ATR: variants seen among roughly 807,000 people sequenced by gnomAD.
ATR encodes ATR checkpoint kinase.
A neutral mutation model predicts 305.3 loss-of-function variants in ATR; 142 were observed. That is an observed-to-expected ratio of 0.47 (90% CI 0.41 to 0.53). The LOEUF is 0.53. Ranked by LOEUF, ATR falls within the 20% of genes least tolerant of loss-of-function variation. ATR has a pLI of 0.00. For synonymous variants in ATR, 1,050 were observed against 1,068.1 expected (o/e 0.98, Z 0.33); for missense variants, 2,135 against 3,133.1 (o/e 0.68, Z 7.60).
intron 10 of ATR, among the ~76,000 whole-genome samples, chr3:142,554,338 C>T (rs2034585203): frequency 1.3e-5 from 2 of 152,046 alleles, no homozygotes; most frequent in Admixed American, 6.5e-5. Context: ...AGTGATCCTC[C>T]CACCTCAGCC....
intron 23 of ATR, among the ~76,000 whole-genome samples, chr3:142,520,775 G>T (rs753596646): frequency 6.6e-6 from 1 of 152,096 alleles, no homozygotes; most frequent in Non-Finnish European, 1.5e-5. Flanking sequence ...GAGGTTTAAG[G>T]AAAAGAAGCT....
rs1310530121 is a variant in ATR, at chr3:142,451,094, A to G, written c.7762-1492T>C. The G allele has an allele frequency of 7.1e-6, 9 of 1,276,146 alleles. No homozygotes were observed. In the African/African-American group the frequency reaches 1.2e-4, roughly 18 times the overall value. 79.1% of individuals were successfully genotyped at this position (1,276,146 alleles called of 1,614,324 possible). ...CCTGGCTGGTTTGTCTACCTGGTCA[A>G]TTGTGAAACAGCCCCTGCTGCTCAG... On this transcript the variant is annotated intron_variant, in intron 46 of 46. Transcript: ENST00000350721.
At chr3:142,542,574 T>G in intron 17 of ATR, 91 bp downstream of exon 17, 7 of 1,175,736 alleles carry the variant, frequency 6.0e-6, no homozygotes, top group Non-Finnish European at 8.7e-6. Flanking sequence ...ATTTGGTTAT[T>G]TCTCATCTTT....
At chr3:142,478,916 G>A (rs1274629645) in intron 36 of ATR, among the ~76,000 whole-genome samples, 2 of 152,020 alleles carry the variant, frequency 1.3e-5, no homozygotes, top group Non-Finnish European at 2.9e-5. Context: ...TTCAACCCCT[G>A]CCTTTTTTTG....
intron 21 of ATR, among the ~76,000 whole-genome samples, chr3:142,532,194 C>T (rs1377266404): frequency 1.3e-5 from 2 of 152,228 alleles, no homozygotes; most frequent in East Asian, 1.9e-4. Flanking sequence ...GCGTCACTCA[C>T]GCTGGGAGCT....
chr3:142,531,152 CTT>C (rs1484609559), intron 21 of ATR, among the ~76,000 whole-genome samples: 1 of 152,162 alleles, frequency 6.6e-6, no homozygotes, highest in African/African-American at 2.4e-5. Context: ...GCTTGACACT[CTT>C]TATGATATTT....
chr3:142,556,197 G>A (rs2108472301), intron 9 of ATR, 58 bp from the exon 10 acceptor site: 2 of 1,586,412 alleles, frequency 1.3e-6, no homozygotes, highest in Non-Finnish European at 1.7e-6. Context: ...GGTCTAAATA[G>A]TCTTGCTTAA....
intron 36 of ATR, among the ~76,000 whole-genome samples, chr3:142,475,265 C>T (rs1440330894): frequency 6.6e-6 from 1 of 151,898 alleles, no homozygotes; most frequent in Non-Finnish European, 1.5e-5. Context: ...CACCCCACAA[C>T]AGGCCCCAGT....
chr3:142,521,500 G>A (rs548866275), intron 23 of ATR, among the ~76,000 whole-genome samples: 42 of 152,240 alleles, frequency 2.8e-4, no homozygotes, highest in African/African-American at 9.9e-4. Flanking sequence ...GATGGATCTG[G>A]GCAGAGTAAA....
intron 5 of ATR, 82 bp from the exon 6 acceptor site, chr3:142,560,536 T>A: frequency 7.4e-7 from 1 of 1,349,480 alleles, no homozygotes; most frequent in Non-Finnish European, 1.0e-6. Context: ...GAATAAAACA[T>A]ACTATGTAAT....
chr3:142,483,997 T>TA (rs2030732017), intron 36 of ATR, among the ~76,000 whole-genome samples: 1 of 152,080 alleles, frequency 6.6e-6, no homozygotes, highest in African/African-American at 2.4e-5. Flanking sequence ...TGAATTTTTT[T>TA]AAAAATCCAG....
At chr3:142,484,518 T>A (rs1405645222) in intron 36 of ATR, among the ~76,000 whole-genome samples, 3 of 152,162 alleles carry the variant, frequency 2.0e-5, no homozygotes, top group African/African-American at 7.2e-5. Flanking sequence ...ACCCTACCTA[T>A]CTCTTCATCA....
intron 15 of ATR, 99 bp from the exon 16 acceptor site, chr3:142,548,009 T>C (rs771223707): frequency 8.2e-5 from 81 of 983,574 alleles, no homozygotes; most frequent in Non-Finnish European, 1.2e-4. Context: ...TCAGGAGCTC[T>C]AGCCCAGATG....
intron 35 of ATR, among the ~76,000 whole-genome samples, chr3:142,491,249 G>C (rs1559933287): frequency 6.6e-6 from 1 of 152,130 alleles, no homozygotes; most frequent in Non-Finnish European, 1.5e-5. Flanking sequence ...TGGCCCCTTG[G>C]ATCTGCATGT....
intron 1 of ATR, among the ~76,000 whole-genome samples, chr3:142,571,146 G>A (rs974156110): frequency 3.3e-5 from 5 of 152,180 alleles, no homozygotes; most frequent in Non-Finnish European, 5.9e-5. Flanking sequence ...CAGAATAGTT[G>A]CTGGGGAGAG....
chr3:142,577,422 G>A lies in ATR; in HGVS notation c.59+1224C>T, dbSNP rs530603606. On this transcript the variant is annotated intron_variant, in intron 1 of 46. Transcript: ENST00000350721. ...AATTTGTAAACCAACTTCCTACAAT[G>A]ATCACTTTTCTTCCTCTTCTTTTAG... Among the ~76,000 whole-genome samples, 23 of 152,282 alleles carry A rather than the reference G, an allele frequency of 1.5e-4. 1 individual carries two copies. The highest frequency in any genetic ancestry group is 5.9e-4 in the Admixed American group (9 of 15,306).
intron 46 of ATR, chr3:142,451,690 C>A: frequency 8.4e-7 from 1 of 1,192,672 alleles, no homozygotes; most frequent in Admixed American, 3.4e-5. Flanking sequence ...AGTGATCCTC[C>A]CACCTCAGCC....
intron 10 of ATR, among the ~76,000 whole-genome samples, chr3:142,555,240 GAA>G (rs113798451): frequency 1.6e-5 from 1 of 62,028 alleles, no homozygotes. Flanking sequence ...CCGTCTCGGG[GAA>G]AAAAAAAAAA....
chr3:142,451,569 TC>T, intron 46 of ATR: 1 of 1,318,150 alleles, frequency 7.6e-7, no homozygotes. Flanking sequence ...GTATGCTTCA[TC>T]CCAGCAGTTG....
Sources: gnomAD v4.1 joint callset for allele counts (sites outside exome capture counted in the v4.1 genomes callset) on GRCh38, gnomAD v4.1.1 for gene constraint, MANE v1.5 for transcripts, NCBI Gene and HGNC (gene_info 2026-07-23, HGNC 2026-07-21) for gene names.